CNBD1: variants seen among roughly 807,000 people sequenced by gnomAD.
CNBD1 encodes cyclic nucleotide binding domain containing 1.
A neutral mutation model predicts 54.4 loss-of-function variants in CNBD1; 71 were observed. The ratio of observed to expected loss-of-function variants is 1.30; its 90% CI spans 1.08 to 1.59. The LOEUF (loss-of-function observed/expected upper bound fraction) is 1.59. Ranked by LOEUF, CNBD1 falls within the 40% of genes most tolerant of loss-of-function variation. The pLI, the probability that CNBD1 is intolerant of heterozygous loss-of-function variation, is 0.00. For synonymous variants in CNBD1, 182 were observed against 170.7 expected, an observed-to-expected ratio of 1.07 and a Z score of -0.51; for missense variants, 659 against 518.0, an observed-to-expected ratio of 1.27 and a Z score of -2.64.
intron 5 of CNBD1, among the ~76,000 whole-genome samples, chr8:87,220,140 G>A (rs1056298029): frequency 1.3e-5 from 2 of 151,722 alleles, no homozygotes; most frequent in East Asian, 3.9e-4. Flanking sequence ...TTATGCAATC[G>A]CCAATAATAT....
At chr8:87,154,616 G>A (rs1812676425) in intron 4 of CNBD1, among the ~76,000 whole-genome samples, 1 of 152,180 alleles carries the variant, frequency 6.6e-6, no homozygotes, top group Non-Finnish European at 1.5e-5. Flanking sequence ...CCACAGTGGG[G>A]AGTGCTGTTT....
intron 2 of CNBD1, among the ~76,000 whole-genome samples, chr8:87,425,150 G>C (rs958154665): frequency 9.2e-5 from 14 of 151,928 alleles, no homozygotes; most frequent in Admixed American, 8.5e-4. Context: ...CGTAGTTCTC[G>C]GGCCTTGGTT....
chr8:86,968,103 C>G, intron 4 of CNBD1, among the ~76,000 whole-genome samples: 1 of 152,114 alleles, frequency 6.6e-6, no homozygotes, highest in East Asian at 1.9e-4. Flanking sequence ...TGAGCATTTG[C>G]CTTCCTCCTG....
At chr8:87,164,406 C>A (rs1812919163) in intron 4 of CNBD1, among the ~76,000 whole-genome samples, 1 of 151,646 alleles carries the variant, frequency 6.6e-6, no homozygotes, top group African/African-American at 2.4e-5. Flanking sequence ...CCATTGAAGT[C>A]ATTTGACCCT....
intron 4 of CNBD1, among the ~76,000 whole-genome samples, chr8:87,029,540 A>T (rs1479896404): frequency 1.3e-5 from 2 of 152,174 alleles, no homozygotes; most frequent in Non-Finnish European, 2.9e-5. Flanking sequence ...GAAAGGTAAT[A>T]AAATCTAAAA....
At chr8:86,958,411 T>G (rs1458831020) in intron 4 of CNBD1, among the ~76,000 whole-genome samples, 2 of 152,218 alleles carry the variant, frequency 1.3e-5, no homozygotes, top group Admixed American at 1.3e-4. Flanking sequence ...GTTGTCTGTT[T>G]AATGTTGACA....
intron 6 of CNBD1, among the ~76,000 whole-genome samples, chr8:87,239,405 T>C (rs1413613503): frequency 1.3e-5 from 2 of 152,206 alleles, no homozygotes; most frequent in East Asian, 3.8e-4. Context: ...TGGGCCTTTT[T>C]CAAATAAAAA....
rs1050794962 is a variant in CNBD1 at position 86,960,701 on chromosome 8, A to C, written c.431+20947A>C. On this transcript the variant is annotated intron_variant, in intron 4 of 10. Coordinates refer to ENST00000518476, the MANE Select transcript of CNBD1 (RefSeq NM_173538.3). The stretch of plus-strand genomic sequence containing the variant: ...GACTGCCTCCTCAAGTGGGTCCCTG[A>C]TCCCTGAGTAGCCTAACTGGGAGAC... Among the ~76,000 whole-genome samples, 17 of 152,300 alleles carry C rather than the reference A, an allele frequency of 1.1e-4. No individual in the cohort carries two copies. The South Asian group carries it at 2.7e-3, about 24-fold the overall frequency.
intron 4 of CNBD1, among the ~76,000 whole-genome samples, chr8:87,190,876 G>GCT (rs1409927818): frequency 7.3e-6 from 1 of 137,646 alleles, no homozygotes. Flanking sequence ...AATAGATATA[G>GCT]ATACATGTAC....
intron 10 of CNBD1, among the ~76,000 whole-genome samples, chr8:87,359,366 A>G (rs1385692823): frequency 6.6e-6 from 1 of 152,072 alleles, no homozygotes; most frequent in African/African-American, 2.4e-5. Context: ...TGTGTGCCTA[A>G]TTGAATATTC....
At chr8:87,242,799 CAT>C (rs1807732352) in intron 6 of CNBD1, among the ~76,000 whole-genome samples, 1 of 152,140 alleles carries the variant, frequency 6.6e-6, no homozygotes, top group Non-Finnish European at 1.5e-5. Context: ...TAACTTTTTT[CAT>C]AGACAATAAT....
At chr8:86,914,544 A>G (rs1279227262) in intron 3 of CNBD1, among the ~76,000 whole-genome samples, 1 of 152,250 alleles carries the variant, frequency 6.6e-6, no homozygotes, top group Admixed American at 6.5e-5. Flanking sequence ...CTCAGAAAGT[A>G]TCCCTATCAT....
chr8:87,045,731 A>AAAAC (rs1238434031), intron 4 of CNBD1, among the ~76,000 whole-genome samples: 4 of 149,442 alleles, frequency 2.7e-5, no homozygotes, highest in African/African-American at 1.0e-4. Flanking sequence ...TCTCAAAAAA[A>AAAAC]AAAAAAAAAA....
intron 4 of CNBD1, among the ~76,000 whole-genome samples, chr8:86,983,038 C>T (rs1424441437): frequency 6.6e-6 from 1 of 152,126 alleles, no homozygotes; most frequent in Non-Finnish European, 1.5e-5. Context: ...AGGTTTGTTA[C>T]ATGGGCATAT....
At chr8:87,335,332 G>T (rs965944519) in intron 8 of CNBD1, among the ~76,000 whole-genome samples, 1 of 152,162 alleles carries the variant, frequency 6.6e-6, no homozygotes, top group East Asian at 1.9e-4. Flanking sequence ...TTACTGTGTG[G>T]GAGACTAAGT....
chr8:87,005,152 G>A (rs960818992), intron 4 of CNBD1, among the ~76,000 whole-genome samples: 1 of 151,954 alleles, frequency 6.6e-6, no homozygotes, highest in African/African-American at 2.4e-5. Context: ...GGGAGGCCGA[G>A]GCGGGTGGAT....
intron 2 of CNBD1, among the ~76,000 whole-genome samples, chr8:86,903,878 T>C (rs1250886753): frequency 4.9e-5 from 7 of 143,614 alleles, no homozygotes; most frequent in Non-Finnish European, 1.1e-4. Flanking sequence ...TTTTTTTTTT[T>C]CCTGGGAAGC....
At chr8:87,350,303 T>G (rs915152616) in intron 8 of CNBD1, among the ~76,000 whole-genome samples, 3 of 152,038 alleles carry the variant, frequency 2.0e-5, no homozygotes, top group African/African-American at 4.8e-5. Flanking sequence ...TTAAACAAAA[T>G]AAATGATTGA....
intron 4 of CNBD1, among the ~76,000 whole-genome samples, chr8:87,042,845 C>G (rs1810102158): frequency 6.6e-6 from 1 of 151,878 alleles, no homozygotes; most frequent in Non-Finnish European, 1.5e-5. Flanking sequence ...ATAAATTCCT[C>G]TAAATTGTAT....
Sources: allele counts gnomAD v4.1 joint callset (sites outside exome capture counted in the v4.1 genomes callset), GRCh38; gene constraint gnomAD v4.1.1; transcripts MANE v1.5; gene names NCBI Gene and HGNC (gene_info 2026-07-23, HGNC 2026-07-21).